BDH1: variants seen among roughly 807,000 people sequenced by gnomAD.
The protein encoded by BDH1 is D-beta-hydroxybutyrate dehydrogenase, mitochondrial.
In BDH1, 30 loss-of-function variants were observed where a neutral mutation model predicts 33.1. The ratio of observed to expected loss-of-function variants is 0.91; its 90% CI spans 0.68 to 1.23. The LOEUF (loss-of-function observed/expected upper bound fraction) is 1.23. Among genes scored for constraint, BDH1 ranks in the 50% most tolerant of loss-of-function variants. The pLI is 0.00. For missense variants in BDH1, 443 were observed against 464.4 expected (o/e 0.95, Z 0.42); for synonymous variants, 190 against 183.6 (o/e 1.03, Z -0.28).
At chr3:197,539,729 G>A (rs1368945167) in intron 3 of BDH1, among the ~76,000 whole-genome samples, 2 of 151,920 alleles carry the variant, frequency 1.3e-5, no homozygotes, top group Non-Finnish European at 2.9e-5. Context: ...CCCAGGAACT[G>A]ACTCAGCGCA....
At chr3:197,557,620 G>A (rs1033233974), upstream of BDH1, among the ~76,000 whole-genome samples, 1 of 152,218 alleles carries the variant, frequency 6.6e-6, no homozygotes, top group African/African-American at 2.4e-5. This position sits in a 1 kb window ranked among gnomAD's most constrained non-coding sequence, Gnocchi z 4.6. Context: ...GGGAGGCTGA[G>A]GCAGAAGAAT....
At chr3:197,551,729 A>G (rs193001552) in intron 2 of BDH1, among the ~76,000 whole-genome samples, 20 of 152,294 alleles carry the variant, frequency 1.3e-4, no homozygotes, top group Middle Eastern at 3.4e-3. Flanking sequence ...TTTGACCCCT[A>G]TTCTGAGAAT....
At chr3:197,535,657 G>A (rs1715089619) in intron 3 of BDH1, among the ~76,000 whole-genome samples, 1 of 152,166 alleles carries the variant, frequency 6.6e-6, no homozygotes, top group Admixed American at 6.5e-5. Flanking sequence ...ATAAAGTCTA[G>A]TATTTTCCTA....
Position 197,514,126 on chromosome 3 carries a change from C to T in BDH1, c.562+138G>A. 3 of 1,187,084 alleles carry T rather than the reference C, an allele frequency of 2.5e-6. No homozygotes were observed. The highest frequency in any genetic ancestry group is 2.3e-6 in the Non-Finnish European group (2 of 867,588). The allele number at this position is 1,187,084 out of a possible 1,614,324, so 73.5% of individuals were successfully genotyped here. Reference sequence around the variant, plus strand: ...CTGCCCACCATCACCCCAGGCCCAGCATAGTCCCTGGGATTCACGAGCTCA... The same window carrying T: ...CTGCCCACCATCACCCCAGGCCCAGTATAGTCCCTGGGATTCACGAGCTCA... On this transcript the variant is annotated intron_variant, in intron 7 of 7. Coordinates refer to ENST00000392379, the MANE Select transcript of BDH1 (RefSeq NM_203314.3). The surrounding 1 kb of genome is among the most constrained non-coding windows in gnomAD (Gnocchi z 4.2).
chr3:197,527,632 C>G (rs534645507), intron 5 of BDH1, among the ~76,000 whole-genome samples: 2 of 152,150 alleles, frequency 1.3e-5, no homozygotes, highest in Non-Finnish European at 2.9e-5. Context: ...TCACTCTACT[C>G]CCCCCTCATT....
chr3:197,530,327 C>T (rs547944413), intron 5 of BDH1: 1 of 152,188 alleles, frequency 6.6e-6, no homozygotes, highest in African/African-American at 2.4e-5. Flanking sequence ...ATTTTATTTA[C>T]ACTCTGATCT....
chr3:197,524,093 A>C (rs1713843479), intron 5 of BDH1, among the ~76,000 whole-genome samples: 1 of 152,206 alleles, frequency 6.6e-6, no homozygotes, highest in Non-Finnish European at 1.5e-5. Flanking sequence ...ATTTCATCCT[A>C]TTCTATGAAA....
At chr3:197,513,455 G>A (rs1162138316) in intron 7 of BDH1, among the ~76,000 whole-genome samples, 1 of 146,028 alleles carries the variant, frequency 6.8e-6, no homozygotes, top group African/African-American at 2.5e-5. Flanking sequence ...GTGCCCCCGG[G>A]AGGGCACTCA....
At chr3:197,541,820 T>C (rs1715651783) in intron 3 of BDH1, among the ~76,000 whole-genome samples, 1 of 152,172 alleles carries the variant, frequency 6.6e-6, no homozygotes, top group Non-Finnish European at 1.5e-5. Context: ...AACAAAGACC[T>C]ATCCCCAGGG....
chr3:197,561,045 C>T (rs907725940), intron 1 of BDH1, among the ~76,000 whole-genome samples: 1 of 152,188 alleles, frequency 6.6e-6, no homozygotes, highest in Non-Finnish European at 1.5e-5. Context: ...TCATCAGGAC[C>T]TCCTGAGGCT....
intron 3 of BDH1, among the ~76,000 whole-genome samples, chr3:197,544,892 C>CA (rs1715947164): frequency 6.6e-6 from 1 of 152,154 alleles, no homozygotes. Context: ...ACTAAAAATA[C>CA]AAAAAATTAG....
chr3:197,513,577 G>A (rs931375230), intron 7 of BDH1, among the ~76,000 whole-genome samples: 1 of 152,238 alleles, frequency 6.6e-6, no homozygotes, highest in Non-Finnish European at 1.5e-5. Flanking sequence ...CCATCCTGGG[G>A]GAGGCACCTT....
At chr3:197,557,483 G>A (rs1222336659), upstream of BDH1, among the ~76,000 whole-genome samples, 3 of 152,216 alleles carry the variant, frequency 2.0e-5, no homozygotes, top group African/African-American at 7.2e-5. This position sits in a 1 kb window ranked among gnomAD's most constrained non-coding sequence, Gnocchi z 4.6. Flanking sequence ...GGTGGCTCAC[G>A]CCTATAATCC....
At position 197,523,495 on chromosome 3, in the gene BDH1, G is replaced by T. The variant is rs972244214; in HGVS notation, c.268-714C>A. On this transcript the variant is annotated intron_variant, in intron 5 of 7. Coordinates refer to ENST00000392379, the MANE Select transcript of BDH1 (RefSeq NM_203314.3). This position sits in a 1 kb window ranked among gnomAD's most constrained non-coding sequence, Gnocchi z 4.5. ...GCTCAGATTAATGGAGTAAGGAAAT[G>T]GATTTGTAAGAAGCCTGTTAAAGAG... Among the ~76,000 whole-genome samples the T allele has an allele frequency of 2.0e-5, 3 of 152,172 alleles. No individual in the cohort carries two copies. The highest frequency in any genetic ancestry group is 4.4e-5 in the Non-Finnish European group (3 of 68,030).
At chr3:197,544,252 G>A (rs2108756025) in intron 3 of BDH1, among the ~76,000 whole-genome samples, 3 of 152,128 alleles carry the variant, frequency 2.0e-5, no homozygotes, top group Admixed American at 2.0e-4. Context: ...ACTCTACTCT[G>A]ACAGCTCTGC....
chr3:197,556,786 C>T (rs1717067169), upstream of BDH1, among the ~76,000 whole-genome samples: 1 of 152,238 alleles, frequency 6.6e-6, no homozygotes, highest in African/African-American at 2.4e-5. Flanking sequence ...TAAGGGTTTC[C>T]TCCCAACCCC....
intron 3 of BDH1, among the ~76,000 whole-genome samples, chr3:197,543,499 A>G (rs1715829912): frequency 6.6e-6 from 1 of 152,204 alleles, no homozygotes; most frequent in Admixed American, 6.5e-5. Flanking sequence ...GGGATGCCAG[A>G]GTCTTCTGGC....
intron 1 of BDH1, among the ~76,000 whole-genome samples, chr3:197,565,726 T>C (rs1717413171): frequency 6.6e-6 from 1 of 152,222 alleles, no homozygotes; most frequent in African/African-American, 2.4e-5. Context: ...TGTGGCTGCC[T>C]TAAAACCTTT....
chr3:197,514,060 A>T lies in BDH1; in HGVS notation c.562+204T>A. ...TTGCTGCATGGACCACTGACCTCTT[A>T]CCTGCTCTGCTTCCTCCTCCCCTAC... On this transcript the variant is annotated intron_variant, in intron 7 of 7. Coordinates refer to ENST00000392379, the MANE Select transcript of BDH1 (RefSeq NM_203314.3). The surrounding 1 kb of genome is among the most constrained non-coding windows in gnomAD (Gnocchi z 4.2). 1.6e-6 allele frequency: 1 copy of T among 616,102 alleles called. No individual in the cohort carries two copies. The highest frequency in any genetic ancestry group is 2.7e-6 in the Non-Finnish European group (1 of 369,640). The allele number at this position is 616,102 out of a possible 1,614,324, so 38.2% of individuals were successfully genotyped here. A position where few individuals can be genotyped will look rare whatever the true frequency, so the allele number is the denominator to read the frequency against.
Sources: gnomAD v4.1 joint callset for allele counts (sites outside exome capture counted in the v4.1 genomes callset) on GRCh38, gnomAD v4.1.1 for gene constraint, Gnocchi (gnomAD v3.1) non-coding constraint, MANE v1.5 for transcripts, NCBI Gene and HGNC (gene_info 2026-07-23, HGNC 2026-07-21) for gene names.